The following AGBL1 variants were observed in gnomAD, a reference collection of about 807,000 sequenced individuals.
The protein encoded by AGBL1 is AGBL carboxypeptidase 1.
A neutral mutation model predicts 118.9 loss-of-function variants in AGBL1; 130 were observed. The ratio of observed to expected loss-of-function variants is 1.09; its 90% CI spans 0.95 to 1.26. The LOEUF (loss-of-function observed/expected upper bound fraction) is 1.26, where lower values mean the gene tolerates loss of function less well. Among genes scored for constraint, AGBL1 ranks in the 50% most tolerant of loss-of-function variants. AGBL1 has a pLI of 0.00. For synonymous variants in AGBL1, 555 were observed against 478.9 expected, an observed-to-expected ratio of 1.16 and a Z score of -2.08; for missense variants, 1,584 against 1,298.1, an observed-to-expected ratio of 1.22 and a Z score of -3.38.
At chr15:86,248,609 C>A (rs1022898166) in intron 7 of AGBL1, among the ~76,000 whole-genome samples, 3 of 152,204 alleles carry the variant, frequency 2.0e-5, no homozygotes, top group Admixed American at 1.3e-4. Context: ...ATGGCCCGTG[C>A]TTAGAAGAGT....
At chr15:86,106,321 T>C (rs183586698) in intron 1 of AGBL1, among the ~76,000 whole-genome samples, 3 of 152,340 alleles carry the variant, frequency 2.0e-5, no homozygotes, top group Admixed American at 6.5e-5. Flanking sequence ...GTACCTATGA[T>C]CAAAGCAATT....
chr15:86,535,039 A>T (rs902682598), intron 19 of AGBL1, among the ~76,000 whole-genome samples: 6 of 152,228 alleles, frequency 3.9e-5, no homozygotes, highest in African/African-American at 1.2e-4. Flanking sequence ...TAAATGCAGA[A>T]AATTAAAATT....
At chr15:86,587,487 T>TG (rs2084268536) in intron 21 of AGBL1, among the ~76,000 whole-genome samples, 1 of 152,138 alleles carries the variant, frequency 6.6e-6, no homozygotes, top group Admixed American at 6.6e-5. Flanking sequence ...GGGCTTGTGT[T>TG]GGCTACGGTT....
intron 24 of AGBL1, among the ~76,000 whole-genome samples, chr15:87,018,371 C>T (rs1460237394): frequency 1.3e-5 from 2 of 151,996 alleles, no homozygotes; most frequent in East Asian, 3.9e-4. Flanking sequence ...AGAGAAAGGC[C>T]AGGTCACCTA....
At chr15:86,726,429 T>C (rs2086819420) in intron 22 of AGBL1, among the ~76,000 whole-genome samples, 1 of 152,232 alleles carries the variant, frequency 6.6e-6, no homozygotes, top group Admixed American at 6.5e-5. Flanking sequence ...GAACTCACTC[T>C]GTGAGGATCG....
chr15:86,973,349 T>C (rs1398697281), intron 23 of AGBL1, among the ~76,000 whole-genome samples: 1 of 152,076 alleles, frequency 6.6e-6, no homozygotes, highest in East Asian at 1.9e-4. Flanking sequence ...CCATCAACAG[T>C]TGAAGCTTCT....
At chr15:86,445,627 A>G (rs940466467) in intron 18 of AGBL1, among the ~76,000 whole-genome samples, 5 of 152,092 alleles carry the variant, frequency 3.3e-5, no homozygotes, top group Non-Finnish European at 7.4e-5. Context: ...CCTGCCTTCC[A>G]CTCTAGACCT....
intron 24 of AGBL1, among the ~76,000 whole-genome samples, chr15:87,014,365 A>G (rs114780415): frequency 0.011 from 1,699 of 152,280 alleles, 32 homozygotes; most frequent in African/African-American, 0.038. Context: ...ACAATTTTGC[A>G]TTTCGTTGAG....
At chr15:86,822,954 G>C (rs114936431) in intron 22 of AGBL1, among the ~76,000 whole-genome samples, 4 of 152,216 alleles carry the variant, frequency 2.6e-5, no homozygotes, top group African/African-American at 9.6e-5. Context: ...AATCTTAGAG[G>C]CGTTCCTAAT....
At chr15:86,288,367 G>A (rs547516072) in intron 16 of AGBL1, among the ~76,000 whole-genome samples, 1 of 152,132 alleles carries the variant, frequency 6.6e-6, no homozygotes, top group African/African-American at 2.4e-5. Flanking sequence ...TTCTTCTTCT[G>A]TGCCATCTCT....
At chr15:86,434,208 G>C (rs944602809) in intron 18 of AGBL1, among the ~76,000 whole-genome samples, 1 of 152,220 alleles carries the variant, frequency 6.6e-6, no homozygotes, top group African/African-American at 2.4e-5. Context: ...GGTGAAAGCT[G>C]TTGTCCACAC....
Position 86,554,347 on chromosome 15 carries a change from TG to T in AGBL1, c.2818-13del. The T allele has an allele frequency of 6.5e-7, 1 of 1,549,574 alleles. No individual in the cohort carries two copies. The highest frequency in any genetic ancestry group is 2.1e-5 in the Admixed American group (1 of 47,884). On this transcript the variant is annotated splice_polypyrimidine_tract_variant and intron_variant, in intron 20 of 22. Transcript: ENST00000614907. ...CCACAACTAATCATCGTTTGATTTT[TG>T]TTTTTACTGTAGACTCTTCCCAAAA... is the stretch of plus-strand genomic sequence containing the variant.
intron 22 of AGBL1, among the ~76,000 whole-genome samples, chr15:86,796,418 A>C (rs2141340484): frequency 6.6e-6 from 1 of 152,340 alleles, no homozygotes; most frequent in African/African-American, 2.4e-5. Flanking sequence ...TTTGGCATCA[A>C]GCAAGTGCAA....
chr15:86,277,294 GTGTGTGTGCATGTGTGTGTGTGTA>G lies in AGBL1; in HGVS notation c.2076-2336_2076-2313del, dbSNP rs1278800193. Among the ~76,000 whole-genome samples, 9 of 134,818 alleles carry G rather than the reference GTGTGTGTGCATGTGTGTGTGTGTA, an allele frequency of 6.7e-5. No individual in the cohort carries two copies. The East Asian group carries it at 1.9e-3, about 28-fold the overall frequency. 88.4% of individuals were successfully genotyped at this position (134,818 alleles called of 152,430 possible). On this transcript the variant is annotated intron_variant, in intron 15 of 22. Coordinates refer to ENST00000614907, the MANE Select transcript of AGBL1 (RefSeq NM_001386094.1). ...ATGTTAGGAGAGAGAGAGAGAGTGT[GTGTGTGTGCATGTGTGTGTGTGTA>G]TGTGTGTGTGTGTGTGTGTGTATGT...
rs1555444825 is a variant in AGBL1 at position 86,735,653 on chromosome 15, G to GCTATATATATATATATATATATATATAT, written c.3158+61217_3158+61218insCTATATATATATATATATATATATATAT. On this transcript the variant is annotated intron_variant, in intron 22 of 22. Transcript: ENST00000614907. ...GTGTGTGTATTTCCTGCTACAAAGA[G>GCTATATATATATATATATATATATATAT]AGATATATATATATATTTTATTTGT... Among the ~76,000 whole-genome samples the GCTATATATATATATATATATATATATAT allele has an allele frequency of 9.7e-4, 139 of 143,038 alleles. 1 individual carries two copies. Among genetic ancestry groups the GCTATATATATATATATATATATATATAT allele is most frequent in the African/African-American group, 3.6e-3 (135 of 37,226 alleles). The allele number at this position is 143,038 out of a possible 152,430, so 93.8% of individuals were successfully genotyped here.
At chr15:86,125,425 C>T (rs186565906) in intron 1 of AGBL1, among the ~76,000 whole-genome samples, 1 of 152,274 alleles carries the variant, frequency 6.6e-6, no homozygotes, top group Admixed American at 6.5e-5. Context: ...GGTAACTTGT[C>T]AATATTTCTG....
At chr15:86,438,939 G>A (rs527801463) in intron 18 of AGBL1, among the ~76,000 whole-genome samples, 1 of 152,066 alleles carries the variant, frequency 6.6e-6, no homozygotes, top group Non-Finnish European at 1.5e-5. Context: ...GGGATTACAG[G>A]CATGAGCCAC....
At chr15:86,820,711 G>A (rs888881278) in intron 22 of AGBL1, among the ~76,000 whole-genome samples, 2 of 152,166 alleles carry the variant, frequency 1.3e-5, no homozygotes, top group African/African-American at 2.4e-5. Context: ...GGAGAAATAG[G>A]AACACTTTTA....
intron 19 of AGBL1, among the ~76,000 whole-genome samples, chr15:86,534,123 A>G (rs1482121803): frequency 1.3e-5 from 2 of 150,588 alleles, no homozygotes; most frequent in African/African-American, 4.9e-5. Flanking sequence ...AAAAAAAAAA[A>G]AAAAAAAAAA....
Sources: allele counts gnomAD v4.1 joint callset (sites outside exome capture counted in the v4.1 genomes callset), GRCh38; gene constraint gnomAD v4.1.1; transcripts MANE v1.5; gene names NCBI Gene and HGNC (gene_info 2026-07-23, HGNC 2026-07-21).